Variants in ZPLD1 observed in about 807,000 individuals in gnomAD.
ZPLD1 encodes zona pellucida-like domain-containing protein 1.
ZPLD1 carries 34 observed loss-of-function variants against 47.2 expected under a neutral mutation model. That is an observed-to-expected ratio of 0.72 (90% CI 0.55 to 0.96). ZPLD1 has a LOEUF of 0.96. Among genes scored for constraint, ZPLD1 ranks in the 40% least tolerant of loss-of-function variants. The pLI is 0.00. For missense variants in ZPLD1, 512 were observed against 505.8 expected, an observed-to-expected ratio of 1.01 and a Z score of -0.12; for synonymous variants, 176 against 186.2, an observed-to-expected ratio of 0.95 and a Z score of 0.45.
At chr3:102,422,818 G>T (rs950303765) in intron 8 of ZPLD1, among the ~76,000 whole-genome samples, 3 of 151,890 alleles carry the variant, frequency 2.0e-5, no homozygotes, top group African/African-American at 7.2e-5. Flanking sequence ...GGAACTTTTT[G>T]TTGTTGTTGT....
chr3:102,453,281 C>CA (rs1377064901), intron 4 of ZPLD1, 142 bp downstream of exon 4: 1 of 726,356 alleles, frequency 1.4e-6, no homozygotes, highest in East Asian at 2.7e-5. Flanking sequence ...CTGTTTGAGG[C>CA]ATGCACTAGC....
At chr3:102,388,978 A>G (rs1706466144) in intron 6 of ZPLD1, among the ~76,000 whole-genome samples, 1 of 151,754 alleles carries the variant, frequency 6.6e-6, no homozygotes, top group Non-Finnish European at 1.5e-5. Flanking sequence ...AGAAACCCCA[A>G]CCTTCACCCT....
intron 6 of ZPLD1, among the ~76,000 whole-genome samples, chr3:102,460,431 C>T (rs1016967170): frequency 2.6e-5 from 4 of 151,850 alleles, no homozygotes; most frequent in African/African-American, 9.7e-5. Context: ...TTCATATATG[C>T]AGATTACCAG....
intron 7 of ZPLD1, among the ~76,000 whole-genome samples, chr3:102,414,642 A>C (rs1706783277): frequency 6.6e-6 from 1 of 151,856 alleles, no homozygotes; most frequent in African/African-American, 2.4e-5. Flanking sequence ...GGAATTGATC[A>C]TGTGTAAATA....
intron 7 of ZPLD1, among the ~76,000 whole-genome samples, chr3:102,463,317 T>G (rs1293269501): frequency 1.3e-5 from 2 of 152,242 alleles, no homozygotes; most frequent in Non-Finnish European, 2.9e-5. Flanking sequence ...CAATTTATGC[T>G]CTAAACTCCT....
At chr3:102,426,282 C>T (rs768968025) in intron 8 of ZPLD1, among the ~76,000 whole-genome samples, 6 of 152,102 alleles carry the variant, frequency 3.9e-5, no homozygotes, top group Non-Finnish European at 8.8e-5. Flanking sequence ...CTTTGGGAGG[C>T]TGAGGCAGGT....
At chr3:102,464,372 T>C (rs1458584658) in intron 8 of ZPLD1, 121 bp downstream of exon 8, 9 of 678,076 alleles carry the variant, frequency 1.3e-5, no homozygotes, top group South Asian at 5.5e-5. Flanking sequence ...TTTCAAGTTT[T>C]ACATTTTGAA....
At chr3:102,418,881 G>C (rs533838150) in intron 8 of ZPLD1, among the ~76,000 whole-genome samples, 1 of 152,010 alleles carries the variant, frequency 6.6e-6, no homozygotes, top group South Asian at 2.1e-4. Flanking sequence ...TGTGAATAAG[G>C]GGAAACACTG....
intron 8 of ZPLD1, among the ~76,000 whole-genome samples, chr3:102,422,637 A>T (rs1706894435): frequency 6.6e-6 from 1 of 151,954 alleles, no homozygotes; most frequent in Non-Finnish European, 1.5e-5. Flanking sequence ...CTGAATGGAG[A>T]GATGTCTTTG....
intron 4 of ZPLD1, among the ~76,000 whole-genome samples, chr3:102,455,218 G>T (rs1707394745): frequency 6.6e-6 from 1 of 152,174 alleles, no homozygotes; most frequent in Admixed American, 6.5e-5. Context: ...TAATATAGTA[G>T]TATCTGCTCA....
chr3:102,477,568 G>C lies in ZPLD1; in HGVS notation c.1198G>C (p.Gly400Arg), dbSNP rs200602855. ...LCSLALLHRK[G>R]PTSLVLNGIR... ...CTCACTGGCCCTTCTGCACAGGAAG[G>C]GACCCACAAGTTTAGTGTTGAATGG... is the stretch of plus-strand genomic sequence containing the variant. The change falls in exon 12 of 12, where the codon GGA becomes CGA. Residue 400 changes from glycine to arginine, a missense_variant. Transcript: ENST00000466937. 197 of 1,613,446 alleles carry C rather than the reference G, an allele frequency of 1.2e-4. 2 individuals carry two copies. The Middle Eastern group carries it at 5.4e-3, about 44-fold the overall frequency.
Position 102,470,497 on chromosome 3 carries a change from G to A in ZPLD1, c.1037G>A (p.Arg346Gln), listed in dbSNP as rs753874949. The A allele has an allele frequency of 5.6e-6, 9 of 1,613,654 alleles. No homozygotes were observed. Among genetic ancestry groups the A allele is most frequent in the Non-Finnish European group, 6.8e-6 (8 of 1,179,732 alleles). The change falls in exon 10 of 12, where the codon CGG (arginine) becomes CAG (glutamine). Residue 346 changes from arginine to glutamine, a missense_variant. Physicochemically the swap from Arg to Gln is conservative, Grantham distance 43. Coordinates refer to ENST00000466937, the MANE Select transcript of ZPLD1 (RefSeq NM_001329788.2). ...CTCTCTGCTGGTCCCATCATTACTC[G>A]GAGTGGTAAGTGTGCTCCTCCTTCT... ...AVLSAGPIIT[R>Q]SDETPTNNSQ...
intron 7 of ZPLD1, among the ~76,000 whole-genome samples, chr3:102,404,528 T>G (rs577521801): frequency 6.6e-6 from 1 of 152,096 alleles, no homozygotes; most frequent in South Asian, 2.1e-4. Flanking sequence ...GATGAATGTT[T>G]CGGGTGAGAG....
intron 7 of ZPLD1, among the ~76,000 whole-genome samples, chr3:102,394,067 C>G (rs905643962): frequency 6.6e-6 from 1 of 152,064 alleles, no homozygotes; most frequent in Non-Finnish European, 1.5e-5. Flanking sequence ...AGTGAAAAAC[C>G]TTTTAGAACC....
chr3:102,457,939 T>C (rs749883305), intron 6 of ZPLD1, 86 bp downstream of exon 6: 26 of 1,336,152 alleles, frequency 1.9e-5, no homozygotes, highest in Non-Finnish European at 2.7e-5. Context: ...AAAAATCTAC[T>C]GAAAGCCACA....
In ZPLD1 at chr3:102,422,473, G is replaced by C. The variant is rs188392736; in HGVS notation, c.-9+4266G>C. Among the ~76,000 whole-genome samples the C allele has an allele frequency of 9.9e-4, 150 of 152,164 alleles. 2 individuals carry two copies. The highest frequency in any genetic ancestry group is 8.1e-4 in the Non-Finnish European group (55 of 67,968). ...AATAGTGCCAGCTTTGAGAAATGCT[G>C]ATCTAAATGCATAGCATTTTTAGAA... On this transcript the variant is annotated intron_variant, in intron 8 of 17. Transcript: ENST00000491959.
chr3:102,419,311 A>G lies in ZPLD1; in HGVS notation c.-9+1104A>G, dbSNP rs9871615. ...AATTGTGCCTAGTTTTGTATTTTTAAGTTTCCCTATGTAAGTTTTTATTTT... is the reference window on the plus strand; with the variant it reads ...AATTGTGCCTAGTTTTGTATTTTTAGGTTTCCCTATGTAAGTTTTTATTTT... On this transcript the variant is annotated intron_variant, in intron 8 of 17. Transcript: ENST00000491959. Among the ~76,000 whole-genome samples, 601 of 152,004 alleles carry G rather than the reference A, an allele frequency of 4.0e-3. 5 individuals carry two copies. Among genetic ancestry groups the G allele is most frequent in the Non-Finnish European group, 6.2e-3 (420 of 67,906 alleles).
intron 4 of ZPLD1, among the ~76,000 whole-genome samples, chr3:102,455,147 A>G (rs1707393177): frequency 6.6e-6 from 1 of 152,236 alleles, no homozygotes; most frequent in Admixed American, 6.5e-5. Context: ...AGCTTTGCCC[A>G]TGTGCTGTTA....
At chr3:102,429,291 A>G (rs753839429) in intron 8 of ZPLD1, among the ~76,000 whole-genome samples, 1 of 152,120 alleles carries the variant, frequency 6.6e-6, no homozygotes, top group Non-Finnish European at 1.5e-5. Context: ...AAAATTTTGC[A>G]TTTCTTGATT....
Sources: gnomAD v4.1 joint callset for allele counts (sites outside exome capture counted in the v4.1 genomes callset) on GRCh38, gnomAD v4.1.1 for gene constraint, MANE v1.5 for transcripts, NCBI Gene and HGNC (gene_info 2026-07-23, HGNC 2026-07-21) for gene names.